Variants in METTL16 observed in about 807,000 individuals in gnomAD.
METTL16 encodes the protein methyltransferase 16, RNA N6-adenosine.
METTL16 carries 19 observed loss-of-function variants against 57.9 expected under a neutral mutation model. That is an observed-to-expected ratio of 0.33 (90% confidence interval 0.23 to 0.48). The LOEUF (loss-of-function observed/expected upper bound fraction) is 0.48, where lower values mean the gene tolerates loss of function less well. METTL16 is among the 20% of genes least tolerant of loss of function. METTL16 has a pLI of 0.99. For missense variants in METTL16, 434 were observed against 691.5 expected (o/e 0.63, Z 4.18); for synonymous variants, 246 against 255.6 (o/e 0.96, Z 0.36).
At chr17:2,468,804 C>G (rs1420661782) in intron 4 of METTL16, among the ~76,000 whole-genome samples, 1 of 152,168 alleles carries the variant, frequency 6.6e-6, no homozygotes, top group African/African-American at 2.4e-5. Context: ...TGAGAGACTG[C>G]TTGAGCCCAG....
rs559774226 is a variant in METTL16 at position 2,450,496 on chromosome 17, A to G, written c.729-8937T>C. Among the ~76,000 whole-genome samples, 30 of 152,336 alleles carry G rather than the reference A, an allele frequency of 2.0e-4. No homozygotes were observed. In the South Asian group the frequency reaches 5.2e-3, roughly 26 times the overall value. On this transcript the variant is annotated intron_variant, in intron 6 of 9. Transcript: ENST00000263092. ...CAGGAAACTTTTCAGGGTGATGGAA[A>G]TGTTCCACATTTGTCTAAACTCATC...
rs1283810467 is a variant in METTL16, at chr17:2,419,537, C to T, written c.*433G>A. On this transcript the variant is annotated 3_prime_UTR_variant, in exon 10 of 10. Coordinates refer to ENST00000263092, the MANE Select transcript of METTL16 (RefSeq NM_024086.4). ...TGAAGAGTGACCTAGAACAGGGTACCAGGGCCTCCAGCTGGAGGCAGAGAG... is the reference window on the plus strand; with the variant it reads ...TGAAGAGTGACCTAGAACAGGGTACTAGGGCCTCCAGCTGGAGGCAGAGAG... 2.2e-6 allele frequency: 1 copy of T among 450,232 alleles called. No homozygotes were observed. Among genetic ancestry groups the T allele is most frequent in the African/African-American group, 2.0e-5 (1 of 49,928 alleles). 27.9% of individuals were successfully genotyped at this position (450,232 alleles called of 1,614,324 possible).
At chr17:2,484,407 T>C (rs1331488133) in intron 2 of METTL16, among the ~76,000 whole-genome samples, 2 of 152,086 alleles carry the variant, frequency 1.3e-5, no homozygotes, top group East Asian at 3.8e-4. Flanking sequence ...AAATAGTCTG[T>C]GGTTAAGCAG....
intron 5 of METTL16, among the ~76,000 whole-genome samples, chr17:2,465,959 A>G (rs992626492): frequency 2.0e-5 from 3 of 151,974 alleles, no homozygotes; most frequent in African/African-American, 7.3e-5. Context: ...TTGGGAGGCC[A>G]AGGCAGGTAG....
intron 4 of METTL16, among the ~76,000 whole-genome samples, chr17:2,471,521 G>A (rs1434156222): frequency 6.6e-6 from 1 of 152,144 alleles, no homozygotes; most frequent in African/African-American, 2.4e-5. Context: ...CAGGTGCAGT[G>A]GCTCACGCCT....
Position 2,438,273 on chromosome 17 carries a change from C to T in METTL16, c.799-75G>A, listed in dbSNP as rs1237730355. The T allele has an allele frequency of 2.8e-6, 3 of 1,059,958 alleles. No homozygotes were observed. In the African/African-American group the frequency reaches 4.7e-5, roughly 17 times the overall value. 65.7% of individuals were successfully genotyped at this position (1,059,958 alleles called of 1,614,324 possible). On this transcript the variant is annotated intron_variant, in intron 7 of 9. Transcript: ENST00000263092. The stretch of plus-strand genomic sequence containing the variant: ...TATGTTTCTGGCTGCTGCGTCATGC[C>T]ATATTATGTTGATCCTTCTTTTTAA...
intron 6 of METTL16, among the ~76,000 whole-genome samples, chr17:2,460,515 AC>A (rs1322265325): frequency 2.6e-5 from 4 of 152,148 alleles, no homozygotes; most frequent in Non-Finnish European, 5.9e-5. Context: ...CCTCCTAAAA[AC>A]AACCCCATTA....
chr17:2,450,231 A>G (rs1597450145), intron 6 of METTL16, among the ~76,000 whole-genome samples: 1 of 152,344 alleles, frequency 6.6e-6, no homozygotes, highest in South Asian at 2.1e-4. Flanking sequence ...ATGTCCTTCA[A>G]CTGGCAAATG....
At chr17:2,490,299 CTTA>C (rs2067377847) in intron 2 of METTL16, among the ~76,000 whole-genome samples, 1 of 152,092 alleles carries the variant, frequency 6.6e-6, no homozygotes, top group African/African-American at 2.4e-5. Flanking sequence ...TCAGCCCAGT[CTTA>C]TTCTTTTTAA....
intron 6 of METTL16, among the ~76,000 whole-genome samples, chr17:2,448,802 T>TAAAAAAAAAAAAA (rs71150866): frequency 9.2e-5 from 4 of 43,636 alleles, no homozygotes; most frequent in Non-Finnish European, 1.6e-4. Flanking sequence ...AAATAAAATT[T>TAAAAAAAAAAAAA]AAAAAAAAAA....
At chr17:2,449,958 A>G (rs1317385251) in intron 6 of METTL16, among the ~76,000 whole-genome samples, 1 of 152,248 alleles carries the variant, frequency 6.6e-6, no homozygotes, top group Admixed American at 6.5e-5. Context: ...CCTACCCGTT[A>G]GAACAGATAC....
intron 2 of METTL16, among the ~76,000 whole-genome samples, chr17:2,499,184 C>A (rs1398803573): frequency 2.0e-5 from 3 of 151,564 alleles, no homozygotes; most frequent in South Asian, 2.1e-4. Context: ...TATAAACTAG[C>A]GTGTGACTGT....
intron 2 of METTL16, among the ~76,000 whole-genome samples, chr17:2,496,660 G>A (rs1351960312): frequency 6.6e-6 from 1 of 151,410 alleles, no homozygotes; most frequent in Non-Finnish European, 1.5e-5. Flanking sequence ...TCCGTTTTAG[G>A]TATGTGCTAT....
Position 2,419,633 on chromosome 17 carries a change from C to T in METTL16, c.*337G>A, listed in dbSNP as rs1396251676. 1 of 515,216 alleles carries T rather than the reference C, an allele frequency of 1.9e-6. No individual in the cohort carries two copies. Among genetic ancestry groups the T allele is most frequent in the South Asian group, 1.5e-5 (1 of 65,080 alleles). The allele number at this position is 515,216 out of a possible 1,614,324, so 31.9% of individuals were successfully genotyped here. ...GATATTCTAGGCAGTGCTGCCCAGC[C>T]CAGACTCCACAAACAACCCTTCTGA... On this transcript the variant is annotated 3_prime_UTR_variant, in exon 10 of 10. Transcript: ENST00000263092.
intron 6 of METTL16, among the ~76,000 whole-genome samples, chr17:2,452,849 T>A (rs1015876039): frequency 6.6e-6 from 1 of 152,002 alleles, no homozygotes; most frequent in African/African-American, 2.4e-5. Flanking sequence ...TGTTTTTTGT[T>A]TTTGTTTTTG....
intron 2 of METTL16, among the ~76,000 whole-genome samples, chr17:2,491,676 C>T (rs541833697): frequency 4.0e-4 from 60 of 151,492 alleles, no homozygotes; most frequent in Non-Finnish European, 7.1e-4. Flanking sequence ...GAGATGGAGA[C>T]CATCCTGGCT....
chr17:2,490,294 C>T (rs1030824725), intron 2 of METTL16, among the ~76,000 whole-genome samples: 9 of 151,878 alleles, frequency 5.9e-5, no homozygotes, highest in African/African-American at 2.2e-4. Flanking sequence ...GTGGATCAGC[C>T]CAGTCTTATT....
intron 1 of METTL16, among the ~76,000 whole-genome samples, chr17:2,504,928 A>G (rs1358973327): frequency 6.6e-6 from 1 of 152,158 alleles, no homozygotes; most frequent in African/African-American, 2.4e-5. Flanking sequence ...AGTGTACCAT[A>G]ACATCACCAA....
At chr17:2,422,100 T>G (rs963968764) in intron 8 of METTL16, among the ~76,000 whole-genome samples, 1 of 152,090 alleles carries the variant, frequency 6.6e-6, no homozygotes, top group Non-Finnish European at 1.5e-5. Flanking sequence ...TCACTTGAGG[T>G]CAGGAGTTCA....
Sources: gnomAD v4.1 joint callset for allele counts (sites outside exome capture counted in the v4.1 genomes callset) on GRCh38, gnomAD v4.1.1 for gene constraint, MANE v1.5 for transcripts, NCBI Gene and HGNC (gene_info 2026-07-23, HGNC 2026-07-21) for gene names.